The following VPS37A variants were observed in gnomAD, a reference collection of about 807,000 sequenced individuals.
VPS37A encodes VPS37A subunit of ESCRT-I, also known as vacuolar protein sorting-associated protein 37A.
In VPS37A, 30 loss-of-function variants were observed where a neutral mutation model predicts 49.8. The ratio of observed to expected loss-of-function variants is 0.60; its 90% CI spans 0.45 to 0.82. The LOEUF is 0.82. Among genes scored for constraint, VPS37A ranks in the 40% least tolerant of loss-of-function variants. The pLI is 0.00. For missense variants in VPS37A, 593 were observed against 464.4 expected, an observed-to-expected ratio of 1.28 and a Z score of -2.55; for synonymous variants, 195 against 160.6, an observed-to-expected ratio of 1.21 and a Z score of -1.62.
At chr8:17,278,629 G>A (rs1038602792) in intron 6 of VPS37A, among the ~76,000 whole-genome samples, 6 of 152,044 alleles carry the variant, frequency 3.9e-5, no homozygotes, top group African/African-American at 1.4e-4. Context: ...TCTGAAGGGT[G>A]CTTGTTCTTT....
chr8:17,270,858 G>A (rs766668600), intron 4 of VPS37A, among the ~76,000 whole-genome samples: 2 of 152,116 alleles, frequency 1.3e-5, no homozygotes, highest in Non-Finnish European at 2.9e-5. Flanking sequence ...ATCTAAATCA[G>A]ATTCAAGTAC....
chr8:17,327,198 G>A, the VPS37A span, among the ~76,000 whole-genome samples: 1 of 152,174 alleles, frequency 6.6e-6, no homozygotes, highest in African/African-American at 2.4e-5. Flanking sequence ...GTCTACTACT[G>A]TTAGACATTC....
At chr8:17,331,799 G>A in the VPS37A span, among the ~76,000 whole-genome samples, 2 of 152,112 alleles carry the variant, frequency 1.3e-5, no homozygotes, top group Admixed American at 6.5e-5. Context: ...GTTAAACCTT[G>A]AGCAGGAATT....
chr8:17,290,772 C>A (rs1233864216), intron 11 of VPS37A, among the ~76,000 whole-genome samples: 1 of 152,100 alleles, frequency 6.6e-6, no homozygotes, highest in Non-Finnish European at 1.5e-5. Context: ...TCTCTTTGTA[C>A]CTCTGGTAGA....
the VPS37A span, chr8:17,331,314 A>C: frequency 6.4e-7 from 1 of 1,552,814 alleles, no homozygotes; most frequent in African/African-American, 1.4e-5. Flanking sequence ...AACAGTCATC[A>C]ATTACATTGA....
rs1474276461 is a variant in VPS37A at position 17,296,726 on chromosome 8, C to A, written c.*1740C>A. On this transcript the variant is annotated 3_prime_UTR_variant, in exon 12 of 12. Coordinates refer to ENST00000324849, the MANE Select transcript of VPS37A (RefSeq NM_152415.3). ...TTAGATGCTTATCTACTTTCCTTTT[C>A]ACCAGAAAAACAGAAAAAAAAGAAA... The A allele has an allele frequency of 6.6e-6, 1 of 152,134 alleles. No homozygotes were observed. The highest frequency in any genetic ancestry group is 1.5e-5 in the Non-Finnish European group (1 of 68,010). 9.4% of individuals were successfully genotyped at this position (152,134 alleles called of 1,614,324 possible).
the VPS37A span, among the ~76,000 whole-genome samples, chr8:17,315,378 G>C: frequency 2.7e-5 from 4 of 150,184 alleles, no homozygotes; most frequent in African/African-American, 4.9e-5. Flanking sequence ...AGAATGTTTA[G>C]GGCAGAAAAC....
chr8:17,294,428 C>G (rs1403974215), intron 11 of VPS37A, among the ~76,000 whole-genome samples: 1 of 152,200 alleles, frequency 6.6e-6, no homozygotes, highest in Non-Finnish European at 1.5e-5. Context: ...CCATTTGGCT[C>G]CCTGGCATCA....
chr8:17,275,906 G>T (rs1046344551), intron 5 of VPS37A, among the ~76,000 whole-genome samples: 1 of 152,124 alleles, frequency 6.6e-6, no homozygotes, highest in Non-Finnish European at 1.5e-5. Flanking sequence ...ACAGTTAGTA[G>T]TGTGAACAAA....
intron 1 of VPS37A, among the ~76,000 whole-genome samples, chr8:17,261,517 CTT>C (rs1051537583): frequency 9.2e-5 from 14 of 152,340 alleles, no homozygotes; most frequent in African/African-American, 3.1e-4. Flanking sequence ...CCTGTTTGCT[CTT>C]GTTTCCTGCG....
intron 1 of VPS37A, among the ~76,000 whole-genome samples, chr8:17,248,732 G>C (rs1443664065): frequency 6.6e-6 from 1 of 152,200 alleles, no homozygotes; most frequent in Non-Finnish European, 1.5e-5. Context: ...AATAAGGCCT[G>C]ATGCTGACTG....
At chr8:17,271,976 C>G (rs548676280) in intron 4 of VPS37A, 1 of 456,570 alleles carries the variant, frequency 2.2e-6, no homozygotes, top group African/African-American at 2.0e-5. Flanking sequence ...TCTCTCTCTT[C>G]TCACATTTTA....
intron 1 of VPS37A, among the ~76,000 whole-genome samples, chr8:17,254,632 CT>C (rs925564956): frequency 3.1e-4 from 46 of 148,218 alleles, no homozygotes; most frequent in African/African-American, 4.9e-4. Context: ...TCTTTTTCTT[CT>C]TTTTTTTTTA....
At chr8:17,268,425 T>C (rs1813672312) in intron 3 of VPS37A, 53 bp downstream of exon 3, 1 of 1,282,506 alleles carries the variant, frequency 7.8e-7, no homozygotes, top group Non-Finnish European at 1.1e-6. Context: ...GTATTACTTT[T>C]CTACTAAATA....
chr8:17,313,562 A>G, the VPS37A span, among the ~76,000 whole-genome samples: 1 of 152,194 alleles, frequency 6.6e-6, no homozygotes, highest in Admixed American at 6.5e-5. Context: ...ACTAAACTTG[A>G]TTCTATGGAA....
chr8:17,289,768 C>T (rs1357293969), intron 11 of VPS37A, among the ~76,000 whole-genome samples: 1 of 152,186 alleles, frequency 6.6e-6, no homozygotes, highest in African/African-American at 2.4e-5. Flanking sequence ...ATGGGAACAG[C>T]ATAGAATCTA....
chr8:17,300,989 T>C (rs1817072320), downstream of VPS37A, among the ~76,000 whole-genome samples: 1 of 152,254 alleles, frequency 6.6e-6, no homozygotes, highest in African/African-American at 2.4e-5. Flanking sequence ...TTCCATTACA[T>C]GGATATACCA....
the VPS37A span, among the ~76,000 whole-genome samples, chr8:17,327,367 C>G: frequency 2.6e-5 from 4 of 152,166 alleles, no homozygotes; most frequent in African/African-American, 9.6e-5. Context: ...ACCTCCCAGG[C>G]CCAAGTGATC....
rs529386988 is a variant in VPS37A, at chr8:17,295,250, T to C, written c.*264T>C. The C allele has an allele frequency of 1.3e-5, 2 of 152,794 alleles. No individual in the cohort carries two copies. Among genetic ancestry groups the C allele is most frequent in the South Asian group, 2.1e-4 (1 of 4,830 alleles). 9.5% of individuals were successfully genotyped at this position (152,794 alleles called of 1,614,324 possible). On this transcript the variant is annotated 3_prime_UTR_variant, in exon 12 of 12. Transcript: ENST00000324849. ...TATTTAAGTTCCACTGCTGTTCCTC[T>C]TACCTTGATTAAATGCCTATGCATG...
Sources: allele counts gnomAD v4.1 joint callset (sites outside exome capture counted in the v4.1 genomes callset), GRCh38; gene constraint gnomAD v4.1.1; transcripts MANE v1.5; gene names NCBI Gene and HGNC (gene_info 2026-07-23, HGNC 2026-07-21).